Variants in DHX32 observed in about 807,000 individuals in gnomAD.
DHX32 encodes putative pre-mRNA-splicing factor ATP-dependent RNA helicase DHX32.
DHX32 carries 51 observed loss-of-function variants against 70.0 expected under a neutral mutation model. The observed-to-expected ratio is 0.73, with a 90% confidence interval of 0.58 to 0.92. The LOEUF is 0.92. DHX32 is among the 40% of genes least tolerant of loss of function. The pLI is 0.00. For synonymous variants in DHX32, 310 were observed against 315.3 expected (o/e 0.98, Z 0.18); for missense variants, 762 against 891.8 (o/e 0.85, Z 1.85).
At chr10:125,888,012 T>C (rs1216582591) in intron 1 of DHX32, among the ~76,000 whole-genome samples, 3 of 152,274 alleles carry the variant, frequency 2.0e-5, no homozygotes, top group Non-Finnish European at 2.9e-5. Flanking sequence ...TTTCCTTTTT[T>C]CCCTAAGCCC....
chr10:125,854,197 C>T lies in DHX32; in HGVS notation c.856G>A (p.Glu286Lys), dbSNP rs370623553. Residue 286 changes from glutamate to lysine, a missense_variant, in exon 4 of 11, where the codon GAG becomes AAG. Physicochemically the swap from Glu to Lys is moderately conservative, Grantham distance 56. Coordinates refer to ENST00000284690, the MANE Select transcript of DHX32 (RefSeq NM_018180.3). ...TGATAGACAGTTTCACAGACTTTCT[C>T]AATATCCTAAAGAAAAAAAAACCCA... ...VVFLACEQDI[E>K]KVCETVYQGS... is the part of the protein sequence containing the mutation. 8 of 1,586,260 alleles carry T rather than the reference C, an allele frequency of 5.0e-6. No individual in the cohort carries two copies. Among genetic ancestry groups the T allele is most frequent in the Non-Finnish European group, 6.8e-6 (8 of 1,170,230 alleles).
chr10:125,853,051 C>T (rs1944111800), intron 4 of DHX32: 2 of 1,101,934 alleles, frequency 1.8e-6, no homozygotes, highest in Non-Finnish European at 2.7e-6. Flanking sequence ...ACCTTTACAA[C>T]ACATACTGAG....
chr10:125,841,057 A>C, intron 7 of DHX32, 61 bp from the exon 8 acceptor site: 2 of 1,551,602 alleles, frequency 1.3e-6, no homozygotes, highest in Non-Finnish European at 1.8e-6. Context: ...TTAGCCTAAC[A>C]TGCAGAGGGG....
chr10:125,868,390 G>C (rs758259908), intron 1 of DHX32, among the ~76,000 whole-genome samples: 1 of 152,098 alleles, frequency 6.6e-6, no homozygotes, highest in Non-Finnish European at 1.5e-5. Flanking sequence ...TTATCTTGAG[G>C]TCTGCTATTT....
At chr10:125,878,067 C>T (rs1182945208) in intron 1 of DHX32, among the ~76,000 whole-genome samples, 2 of 152,164 alleles carry the variant, frequency 1.3e-5, no homozygotes, top group Non-Finnish European at 2.9e-5. Flanking sequence ...ATGGATCTCA[C>T]TTGAACAAAA....
chr10:125,853,349 C>T (rs1944116672), intron 4 of DHX32: 1 of 585,814 alleles, frequency 1.7e-6, no homozygotes, highest in Non-Finnish European at 2.7e-6. Flanking sequence ...TTTGAGATCT[C>T]AAATGTTAGG....
chr10:125,855,227 A>G (rs973195315), intron 3 of DHX32, among the ~76,000 whole-genome samples: 9 of 151,644 alleles, frequency 5.9e-5, no homozygotes, highest in African/African-American at 2.2e-4. Flanking sequence ...TCTCAAAAAA[A>G]AAAAAAAAAG....
At chr10:125,840,158 T>C (rs1854831818) in intron 8 of DHX32, among the ~76,000 whole-genome samples, 1 of 152,228 alleles carries the variant, frequency 6.6e-6, no homozygotes, top group Non-Finnish European at 1.5e-5. Context: ...TATGGGTGGC[T>C]CTAGCCTCTG....
At chr10:125,856,001 C>G (rs1944144311) in intron 3 of DHX32, among the ~76,000 whole-genome samples, 1 of 152,086 alleles carries the variant, frequency 6.6e-6, no homozygotes, top group African/African-American at 2.4e-5. Flanking sequence ...AAAAGCAGAG[C>G]AAAACAGAAA....
At chr10:125,855,527 C>T (rs1201385005) in intron 3 of DHX32, among the ~76,000 whole-genome samples, 1 of 149,884 alleles carries the variant, frequency 6.7e-6, no homozygotes, top group Non-Finnish European at 1.5e-5. Flanking sequence ...CAGCTCACTG[C>T]AAGCTCTGCC....
chr10:125,838,205 C>G lies in DHX32; in HGVS notation c.2063+1G>C. On this transcript the variant is annotated splice_donor_variant, in intron 10 of 10. Coordinates refer to ENST00000284690, the MANE Select transcript of DHX32 (RefSeq NM_018180.3). LOFTEE classifies it high-confidence loss of function. ...AACCCTTTCTTCTCCATTAAACTTA[C>G]AGTTCAGGAGAGATTTCTGAGGTAA... The G allele has an allele frequency of 6.4e-7, 1 of 1,571,770 alleles. No homozygotes were observed. Among genetic ancestry groups the G allele is most frequent in the Non-Finnish European group, 8.6e-7 (1 of 1,165,216 alleles).
chr10:125,870,928 T>C (rs1944252212), intron 1 of DHX32, among the ~76,000 whole-genome samples: 1 of 152,244 alleles, frequency 6.6e-6, no homozygotes, highest in African/African-American at 2.4e-5. Flanking sequence ...CAGTGGGCAC[T>C]GCTTTACATA....
chr10:125,837,178 TA>T (rs1309370698), intron 10 of DHX32, among the ~76,000 whole-genome samples: 1 of 152,224 alleles, frequency 6.6e-6, no homozygotes, highest in Non-Finnish European at 1.5e-5. Context: ...ATCGTATGCT[TA>T]AGAGAGCTTT....
chr10:125,881,856 T>C (rs1462774518), upstream of DHX32, among the ~76,000 whole-genome samples: 1 of 152,222 alleles, frequency 6.6e-6, no homozygotes, highest in Non-Finnish European at 1.5e-5. Context: ...TTGCCCAGGC[T>C]AGTTTCGAAC....
In DHX32 at chr10:125,880,984, C is replaced by T; in HGVS notation, c.-160G>A. On this transcript the variant is annotated 5_prime_UTR_variant, in exon 1 of 11. Transcript: ENST00000284690. ...TTTTAGCAAGTTAAATTCCTCAAACCTGCATCTGTTCTCCGTTGCTGTGTT... is the reference window on the plus strand; with the variant it reads ...TTTTAGCAAGTTAAATTCCTCAAACTTGCATCTGTTCTCCGTTGCTGTGTT... The T allele has an allele frequency of 2.4e-6, 2 of 823,936 alleles. No individual in the cohort carries two copies. Among genetic ancestry groups the T allele is most frequent in the Non-Finnish European group, 3.7e-6 (2 of 539,750 alleles). The allele number at this position is 823,936 out of a possible 1,614,324, so 51.0% of individuals were successfully genotyped here. A position where few individuals can be genotyped will look rare whatever the true frequency, so the allele number is the denominator to read the frequency against.
intron 3 of DHX32, among the ~76,000 whole-genome samples, chr10:125,858,411 T>G (rs2134052024): frequency 6.6e-6 from 1 of 152,306 alleles, no homozygotes; most frequent in African/African-American, 2.4e-5. Flanking sequence ...ATCACTGTAA[T>G]AGGCAGATTT....
At position 125,880,674 on chromosome 10, in the gene DHX32, G is replaced by C; in HGVS notation, c.151C>G (p.Arg51Gly). 1 of 1,614,118 alleles carries C rather than the reference G, an allele frequency of 6.2e-7. No individual in the cohort carries two copies. Among genetic ancestry groups the C allele is most frequent in the Non-Finnish European group, 8.5e-7 (1 of 1,180,022 alleles). ...CTTTCTTTCAGAAGTTTATAATAAC[G>C]TGATGAATATGGCAATCCATCAAAG... ...NPFDGLPYSSRYYKLLKERED... is the reference protein window; with the variant it reads ...NPFDGLPYSSGYYKLLKERED... The change falls in exon 1 of 11, where the codon CGT becomes GGT. Residue 51 changes from arginine (R) to glycine (G), a missense_variant. By Grantham distance (125) the Arg-to-Gly change is moderately radical (BLOSUM62 -2). Around this residue, in one of 3 missense-constraint regions of DHX32, gnomAD observed 394 missense variants for 473.1 expected, o/e 0.83. Coordinates refer to ENST00000284690, the MANE Select transcript of DHX32 (RefSeq NM_018180.3).
chr10:125,862,042 T>C (rs970376752), intron 2 of DHX32, among the ~76,000 whole-genome samples: 1 of 152,152 alleles, frequency 6.6e-6, no homozygotes, highest in Non-Finnish European at 1.5e-5. Context: ...AAAGTAGATA[T>C]TGCTATCCCA....
chr10:125,866,060 C>T lies in DHX32; in HGVS notation c.476+930G>A, dbSNP rs1944218380. On this transcript the variant is annotated intron_variant, in intron 2 of 10. Coordinates refer to ENST00000284690, the MANE Select transcript of DHX32 (RefSeq NM_018180.3). The surrounding 1 kb of genome is among the most constrained non-coding windows in gnomAD (Gnocchi z 4.8). The stretch of plus-strand genomic sequence containing the variant: ...GCCACACAAATGGGTTAGAGAGGTG[C>T]AGAAATACTGACCCCGAGATACTTA... 6.6e-6 allele frequency among the ~76,000 whole-genome samples: 1 copy of T among 152,210 alleles called. No individual in the cohort carries two copies. The highest frequency in any genetic ancestry group is 2.1e-4 in the South Asian group (1 of 4,822).
Sources: gnomAD v4.1 joint callset for allele counts (sites outside exome capture counted in the v4.1 genomes callset) on GRCh38, gnomAD v4.1.1 for gene constraint, gnomAD v4.1.1 regional missense constraint, Gnocchi (gnomAD v3.1) non-coding constraint, MANE v1.5 for transcripts, NCBI Gene and HGNC (gene_info 2026-07-23, HGNC 2026-07-21) for gene names.